Variants in SMOC2 observed in about 807,000 individuals in gnomAD.
SMOC2 encodes the protein SPARC related modular calcium binding 2.
In SMOC2, 39 loss-of-function variants were observed where a neutral mutation model predicts 61.4. That is an observed-to-expected ratio of 0.64 (90% CI 0.49 to 0.83). The LOEUF (loss-of-function observed/expected upper bound fraction) is 0.83. Ranked by LOEUF, SMOC2 falls within the 40% of genes least tolerant of loss-of-function variation. The probability of loss-of-function intolerance (pLI) is 0.00; values close to 1 mark genes in which losing one functional copy is unlikely to be tolerated. For missense variants in SMOC2, 556 were observed against 592.9 expected, an observed-to-expected ratio of 0.94 and a Z score of 0.65; for synonymous variants, 247 against 239.9, an observed-to-expected ratio of 1.03 and a Z score of -0.27.
chr6:168,607,158 T>C (rs937659819), intron 8 of SMOC2, among the ~76,000 whole-genome samples: 1 of 151,902 alleles, frequency 6.6e-6, no homozygotes, highest in Admixed American at 6.6e-5. Context: ...GTGAAGGATT[T>C]CTGTGTGCGG....
chr6:168,451,599 GTCTCTCTC>G (rs59096709), intron 1 of SMOC2, among the ~76,000 whole-genome samples: 30 of 145,572 alleles, frequency 2.1e-4, no homozygotes, highest in Non-Finnish European at 3.5e-4. Context: ...CTCTGTCTCT[GTCTCTCTC>G]TCTCTCTCTC....
chr6:168,601,217 G>A (rs369460377), intron 8 of SMOC2, among the ~76,000 whole-genome samples: 2 of 152,206 alleles, frequency 1.3e-5, no homozygotes, highest in African/African-American at 2.4e-5. Flanking sequence ...CACCAAGATC[G>A]GGTCCACCCA....
chr6:168,514,679 A>G (rs1276859104), intron 2 of SMOC2, among the ~76,000 whole-genome samples: 3 of 151,382 alleles, frequency 2.0e-5, no homozygotes, highest in Non-Finnish European at 4.4e-5. Flanking sequence ...ATGAAGTCTT[A>G]GCTTGTGGAA....
intron 2 of SMOC2, among the ~76,000 whole-genome samples, chr6:168,513,073 T>A (rs1324676931): frequency 1.3e-5 from 2 of 152,238 alleles, no homozygotes; most frequent in Non-Finnish European, 2.9e-5. Flanking sequence ...GCATTTGACA[T>A]TCTTTCACTG....
At chr6:168,525,739 G>C (rs569789332) in intron 2 of SMOC2, among the ~76,000 whole-genome samples, 1 of 152,118 alleles carries the variant, frequency 6.6e-6, no homozygotes, top group African/African-American at 2.4e-5. Flanking sequence ...GGTGGAAGAG[G>C]CAGGACGGGA....
At chr6:168,664,978 C>T (rs780534442) in intron 12 of SMOC2, 2 of 353,812 alleles carry the variant, frequency 5.7e-6, no homozygotes, top group Non-Finnish European at 1.1e-5. Context: ...GCGGCCAGCA[C>T]ACACCTTGGA....
At position 168,475,187 on chromosome 6, in the gene SMOC2, G is replaced by T. The variant is rs948409375; in HGVS notation, c.84+33733G>T. On this transcript the variant is annotated intron_variant, in intron 1 of 12. Transcript: ENST00000356284. This position sits in a 1 kb window ranked among gnomAD's most constrained non-coding sequence, Gnocchi z 4.6. ...GATGAGTTCAAATGCCAGCCCTGCT[G>T]TGGGTGATCTGGGGCTCGTTGGCCT... is the stretch of plus-strand genomic sequence containing the variant. Among the ~76,000 whole-genome samples the T allele has an allele frequency of 2.6e-5, 4 of 152,174 alleles. No individual in the cohort carries two copies. The highest frequency in any genetic ancestry group is 7.2e-5 in the African/African-American group (3 of 41,456).
intron 11 of SMOC2, among the ~76,000 whole-genome samples, chr6:168,659,120 C>T (rs79270842): frequency 0.035 from 5,256 of 151,718 alleles, 183 homozygotes; most frequent in East Asian, 0.21. Context: ...CTAATACTGG[C>T]GCTCTGGGCT....
chr6:168,484,327 A>C (rs1301687602), intron 1 of SMOC2, among the ~76,000 whole-genome samples: 1 of 152,200 alleles, frequency 6.6e-6, no homozygotes, highest in Non-Finnish European at 1.5e-5. Context: ...GCCACTAAGG[A>C]CATGAAAACA....
At chr6:168,664,013 G>T in intron 11 of SMOC2, 61 bp from the exon 12 acceptor site, 1 of 1,412,790 alleles carries the variant, frequency 7.1e-7, no homozygotes, top group South Asian at 1.2e-5. Context: ...AAATTGTGTT[G>T]AACCTTTCAT....
intron 9 of SMOC2, among the ~76,000 whole-genome samples, chr6:168,616,827 G>A (rs573466478): frequency 6.6e-5 from 10 of 152,310 alleles, no homozygotes; most frequent in South Asian, 2.1e-4. Context: ...GGAGTCAAGC[G>A]GTTGGGAAAA....
intron 7 of SMOC2, among the ~76,000 whole-genome samples, chr6:168,584,392 A>T (rs911834789): frequency 6.6e-6 from 1 of 152,218 alleles, no homozygotes; most frequent in Non-Finnish European, 1.5e-5. Context: ...AAGGCCCACA[A>T]GTGTTCTTAT....
chr6:168,461,446 AC>A (rs1434722321), intron 1 of SMOC2, among the ~76,000 whole-genome samples: 1 of 152,186 alleles, frequency 6.6e-6, no homozygotes, highest in Non-Finnish European at 1.5e-5. Flanking sequence ...AAATTTTGTT[AC>A]AAATTTTTAG....
chr6:168,648,484 G>A (rs536767535), intron 9 of SMOC2, among the ~76,000 whole-genome samples: 15 of 152,334 alleles, frequency 9.8e-5, no homozygotes, highest in African/African-American at 2.4e-4. Context: ...TCTGTAGACC[G>A]GGAGGCCCCT....
rs566520227 is a variant in SMOC2 at position 168,544,594 on chromosome 6, G to T, written c.511+922G>T. Among the ~76,000 whole-genome samples, 1 of 152,084 alleles carries T rather than the reference G, an allele frequency of 6.6e-6. No individual in the cohort carries two copies. The highest frequency in any genetic ancestry group is 2.4e-5 in the African/African-American group (1 of 41,398). ...AGGTTGAGGCAGGAGAATTGCTTGAGCCCAGGAGATGGAGGTTGCAGTGAG... is the reference window on the plus strand; with the variant it reads ...AGGTTGAGGCAGGAGAATTGCTTGATCCCAGGAGATGGAGGTTGCAGTGAG... On this transcript the variant is annotated intron_variant, in intron 5 of 12. Transcript: ENST00000356284. This position sits in a 1 kb window ranked among gnomAD's most constrained non-coding sequence, Gnocchi z 4.1.
At chr6:168,560,618 CACTGCATTCTT>C (rs1562348514) in intron 7 of SMOC2, among the ~76,000 whole-genome samples, 28 of 3,590 alleles carry the variant, frequency 7.8e-3, no homozygotes, top group East Asian at 0.023. Context: ...ACGAGGCTCT[CACTGCATTCTT>C]GGAGGAGGTG....
chr6:168,657,216 C>A (rs995295226), intron 11 of SMOC2, among the ~76,000 whole-genome samples: 3 of 152,248 alleles, frequency 2.0e-5, no homozygotes, highest in Admixed American at 1.3e-4. Context: ...TTCATTTTCA[C>A]AGCCATCCTG....
intron 9 of SMOC2, among the ~76,000 whole-genome samples, chr6:168,610,521 G>C (rs1785831376): frequency 6.6e-6 from 1 of 152,200 alleles, no homozygotes; most frequent in African/African-American, 2.4e-5. Context: ...AGATCCTTCA[G>C]GTCCCATGCA....
Position 168,452,971 on chromosome 6 carries a change from A to AG in SMOC2, c.84+11521dup, listed in dbSNP as rs1208633636. Among the ~76,000 whole-genome samples the AG allele has an allele frequency of 1.3e-5, 2 of 152,102 alleles. No individual in the cohort carries two copies. The highest frequency in any genetic ancestry group is 4.8e-5 in the African/African-American group (2 of 41,382). On this transcript the variant is annotated intron_variant, in intron 1 of 12. Coordinates refer to ENST00000356284, the MANE Select transcript of SMOC2 (RefSeq NM_001166412.2). The surrounding 1 kb of genome is among the most constrained non-coding windows in gnomAD (Gnocchi z 5.0). Reference sequence around the variant, plus strand: ...CCCTTCTCCCAGTGGCTCTGACAGCAGGGGCAGGACGCCCTCCTCCCAGTG... The same window carrying AG: ...CCCTTCTCCCAGTGGCTCTGACAGCAGGGGGCAGGACGCCCTCCTCCCAGTG...
Sources: gnomAD v4.1 joint callset for allele counts (sites outside exome capture counted in the v4.1 genomes callset) on GRCh38, gnomAD v4.1.1 for gene constraint, Gnocchi (gnomAD v3.1) non-coding constraint, MANE v1.5 for transcripts, NCBI Gene and HGNC (gene_info 2026-07-23, HGNC 2026-07-21) for gene names.